MYSM1: variants seen among roughly 807,000 people sequenced by gnomAD.
MYSM1 encodes deubiquitinase MYSM1.
In MYSM1, 51 loss-of-function variants were observed where a neutral mutation model predicts 116.0. The ratio of observed to expected loss-of-function variants is 0.44; its 90% CI spans 0.35 to 0.56. The LOEUF (loss-of-function observed/expected upper bound fraction) is 0.56, where lower values mean the gene tolerates loss of function less well. MYSM1 is among the 20% of genes least tolerant of loss of function. The pLI, the probability that MYSM1 is intolerant of heterozygous loss-of-function variation, is 0.00. For synonymous variants in MYSM1, 313 were observed against 315.2 expected (o/e 0.99, Z 0.07); for missense variants, 900 against 974.9 (o/e 0.92, Z 1.02).
At chr1:58,698,102 A>ATATATATATATATATATTTTT in intron 1 of MYSM1, among the ~76,000 whole-genome samples, 2 of 7,770 alleles carry the variant, frequency 2.6e-4, no homozygotes, top group African/African-American at 5.1e-4. Context: ...ATATATATAT[A>ATATATATATATATATATTTTT]TTTTTTTTTT....
At position 58,669,836 on chromosome 1, in the gene MYSM1, C is replaced by CAAAAAAAAAA. The variant is rs58828009; in HGVS notation, c.1662-808_1662-799dup. On this transcript the variant is annotated intron_variant, in intron 12 of 19. Coordinates refer to ENST00000472487, the MANE Select transcript of MYSM1 (RefSeq NM_001085487.3). ...GGGTGACAGAGTGAGACCCTGTCTC[C>CAAAAAAAAAA]AAAAAAAAAAAAAAAAAAAAAAAAA... Among the ~76,000 whole-genome samples the CAAAAAAAAAA allele has an allele frequency of 2.1e-4, 3 of 14,608 alleles. 1 individual carries two copies. Among genetic ancestry groups the CAAAAAAAAAA allele is most frequent in the African/African-American group, 8.0e-4 (3 of 3,744 alleles). The allele number at this position is 14,608 out of a possible 152,430, so 9.6% of individuals were successfully genotyped here.
At chr1:58,695,065 A>T in intron 2 of MYSM1, 64 bp downstream of exon 2, 1 of 852,502 alleles carries the variant, frequency 1.2e-6, no homozygotes, top group Non-Finnish European at 1.8e-6. Context: ...AAAAAAAAAA[A>T]GAAGAAGCAC....
At chr1:58,691,107 A>T (rs1309164993) in intron 3 of MYSM1, among the ~76,000 whole-genome samples, 1 of 151,904 alleles carries the variant, frequency 6.6e-6, no homozygotes, top group African/African-American at 2.4e-5. Context: ...GTGAAACCCC[A>T]TCTCTACTAA....
At position 58,680,607 on chromosome 1, in the gene MYSM1, A is replaced by G. The variant is rs575044924; in HGVS notation, c.1259+1178T>C. Among the ~76,000 whole-genome samples the G allele has an allele frequency of 3.3e-5, 5 of 152,310 alleles. No homozygotes were observed. The South Asian group carries it at 1.0e-3, about 32-fold the overall frequency. ...ATATTGTGTGGGTAAAATGAAGGTT[A>G]CCGATTTATTATAGCAAGTTGTTTT... On this transcript the variant is annotated intron_variant, in intron 8 of 19. Coordinates refer to ENST00000472487, the MANE Select transcript of MYSM1 (RefSeq NM_001085487.3).
At chr1:58,698,102 A>ATATTTTTTTTTTTTTT in intron 1 of MYSM1, among the ~76,000 whole-genome samples, 7 of 7,776 alleles carry the variant, frequency 9.0e-4, no homozygotes, top group African/African-American at 1.8e-3. Context: ...ATATATATAT[A>ATATTTTTTTTTTTTTT]TTTTTTTTTT....
At chr1:58,669,166 A>G in intron 12 of MYSM1, 128 bp from the exon 13 acceptor site, 2 of 638,166 alleles carry the variant, frequency 3.1e-6, no homozygotes. Context: ...GTTTTGTAGG[A>G]AATTCCATAA....
chr1:58,695,322 C>A, intron 1 of MYSM1, 115 bp from the exon 2 acceptor site: 1 of 593,192 alleles, frequency 1.7e-6, no homozygotes. Flanking sequence ...ACTTAGTTCC[C>A]TTCTCCCCTT....
intron 2 of MYSM1, 37 bp downstream of exon 2, chr1:58,695,091 AC>A (rs775056966): frequency 1.4e-5 from 18 of 1,309,800 alleles, no homozygotes; most frequent in Non-Finnish European, 2.0e-5. Context: ...GCAATAAATA[AC>A]AGCTTAATGC....
intron 1 of MYSM1, 124 bp from the exon 2 acceptor site, chr1:58,695,331 T>C (rs777727740): frequency 1.6e-4 from 89 of 569,458 alleles, no homozygotes; most frequent in Non-Finnish European, 2.4e-4. Flanking sequence ...CCTTCTCCCC[T>C]TAACAAACAG....
intron 3 of MYSM1, among the ~76,000 whole-genome samples, chr1:58,691,650 G>A (rs1481534734): frequency 6.6e-6 from 1 of 152,032 alleles, no homozygotes; most frequent in Admixed American, 6.5e-5. Flanking sequence ...GGTAGATCCC[G>A]AGGTCAGGAG....
chr1:58,656,580 G>A lies in MYSM1; in HGVS notation c.*3417C>T, dbSNP rs1644321790. 1 of 152,224 alleles carries A rather than the reference G, an allele frequency of 6.6e-6. No homozygotes were observed. Among genetic ancestry groups the A allele is most frequent in the Non-Finnish European group, 1.5e-5 (1 of 68,056 alleles). The allele number at this position is 152,224 out of a possible 1,614,324, so 9.4% of individuals were successfully genotyped here. A position where few individuals can be genotyped will look rare whatever the true frequency, so the allele number is the denominator to read the frequency against. On this transcript the variant is annotated 3_prime_UTR_variant, in exon 20 of 20. Coordinates refer to ENST00000472487, the MANE Select transcript of MYSM1 (RefSeq NM_001085487.3). The stretch of plus-strand genomic sequence containing the variant: ...CTTTTTTGAGGATGAATGGTCCCAA[G>A]TAATCCTTGTGAGTTTTCGTTAGGT...
intron 19 of MYSM1, 80 bp from the exon 20 acceptor site, chr1:58,660,235 C>T (rs1644371526): frequency 1.2e-6 from 1 of 816,304 alleles, no homozygotes; most frequent in Non-Finnish European, 1.8e-6. Context: ...TCGTCCCTTT[C>T]CAGACCTCAC....
chr1:58,684,602 T>C (rs896520509), intron 7 of MYSM1, among the ~76,000 whole-genome samples: 1 of 149,686 alleles, frequency 6.7e-6, no homozygotes, highest in African/African-American at 2.5e-5. Context: ...ATTCTAAATA[T>C]CAAAACGACA....
Position 58,690,388 on chromosome 1 carries a change from T to C in MYSM1, c.248A>G (p.Glu83Gly), listed in dbSNP as rs1204199034. The part of the protein sequence containing the change: ...EYYLSKKSQP[E>G]KVWLDQKEDD... Reference sequence around the variant, plus strand: ...TTCCTTTTGATCAAGCCAGACTTTTTCCGGTTGTGATTTTTTAGATAAATA... The same window carrying C: ...TTCCTTTTGATCAAGCCAGACTTTTCCCGGTTGTGATTTTTTAGATAAATA... The change falls in exon 4 of 20, where the codon GAA (glutamate) becomes GGA (glycine). Residue 83 changes from glutamate to glycine, a missense_variant. Around this residue, in one of 3 missense-constraint regions of MYSM1, gnomAD observed 622 missense variants for 623.7 expected, o/e 1.00. Transcript: ENST00000472487. The C allele has an allele frequency of 1.9e-6, 3 of 1,603,168 alleles. No homozygotes were observed. Among genetic ancestry groups the C allele is most frequent in the East Asian group, 2.2e-5 (1 of 44,620 alleles).
At position 58,682,412 on chromosome 1, in the gene MYSM1, G is replaced by T; in HGVS notation, c.632C>A (p.Ala211Asp). 1.2e-6 allele frequency: 2 copies of T among 1,614,128 alleles called. No individual in the cohort carries two copies. Among genetic ancestry groups the T allele is most frequent in the South Asian group, 2.2e-5 (2 of 91,088 alleles). ...ATCAGATAACTTTTCAATTTTTACA[G>T]CATTCAAGTTGGGATCAGCACGTCC... is the stretch of plus-strand genomic sequence containing the variant. ...LRGRADPNLN[A>D]VKIEKLSDDE... The change falls in exon 8 of 20, where the codon GCT becomes GAT. Residue 211 changes from alanine to aspartate, a missense_variant. Transcript: ENST00000472487.
In MYSM1 at chr1:58,677,000, T is replaced by C. The variant is rs543376699; in HGVS notation, c.1316A>G (p.Asn439Ser). The C allele has an allele frequency of 8.1e-6, 13 of 1,612,366 alleles. No individual in the cohort carries two copies. In the African/African-American group the frequency reaches 1.7e-4, roughly 22 times the overall value. ...TCCAATACAATTAACATCTCCACAGTTCTTCAGGCCAGGACGTACTGAGGT... is the reference window on the plus strand; with the variant it reads ...TCCAATACAATTAACATCTCCACAGCTCTTCAGGCCAGGACGTACTGAGGT... ...NKTSVRPGLK[N>S]CGDVNCIGRI... Residue 439 changes from asparagine to serine, a missense_variant, in exon 9 of 20, where the codon AAC (asparagine) becomes AGC (serine). By Grantham distance (46) the Asn-to-Ser change is conservative (BLOSUM62 1). Transcript: ENST00000472487.
rs189776208 is a variant in MYSM1, at chr1:58,690,282, G to A, written c.297-33C>T. 2.3e-3 allele frequency: 3,682 copies of A among 1,582,996 alleles called. 47 individuals carry two copies. In the Middle Eastern group the frequency reaches 0.028, roughly 12 times the overall value. Reference sequence around the variant, plus strand: ...ACATGAAAAAAGAAAATAAGGAAGCGTGTGAGGTTTCTAAAACTACAATCC... The same window carrying A: ...ACATGAAAAAAGAAAATAAGGAAGCATGTGAGGTTTCTAAAACTACAATCC... On this transcript the variant is annotated intron_variant, in intron 4 of 19. Coordinates refer to ENST00000472487, the MANE Select transcript of MYSM1 (RefSeq NM_001085487.3).
chr1:58,670,742 A>G (rs767190049), intron 12 of MYSM1, among the ~76,000 whole-genome samples: 4 of 152,208 alleles, frequency 2.6e-5, no homozygotes, highest in Non-Finnish European at 5.9e-5. Context: ...AATATATACA[A>G]TGAGGTTTAC....
At chr1:58,690,514 G>T in intron 3 of MYSM1, 97 bp from the exon 4 acceptor site, 1 of 789,832 alleles carries the variant, frequency 1.3e-6, no homozygotes, top group Non-Finnish European at 1.9e-6. Flanking sequence ...GTTATTAATA[G>T]TTCCCTTGTC....
Sources: gnomAD v4.1 joint callset for allele counts (sites outside exome capture counted in the v4.1 genomes callset) on GRCh38, gnomAD v4.1.1 for gene constraint, gnomAD v4.1.1 regional missense constraint, MANE v1.5 for transcripts, NCBI Gene and HGNC (gene_info 2026-07-23, HGNC 2026-07-21) for gene names.